Variants in CD109 observed in about 807,000 individuals in gnomAD.
CD109 encodes CD109 antigen.
A neutral mutation model predicts 165.8 loss-of-function variants in CD109; 149 were observed. The observed-to-expected ratio is 0.90, with a 90% CI of 0.79 to 1.03. The LOEUF (loss-of-function observed/expected upper bound fraction) is 1.03, where lower values mean the gene tolerates loss of function less well. Among genes scored for constraint, CD109 ranks in the 50% least tolerant of loss-of-function variants. The pLI, the probability that CD109 is intolerant of heterozygous loss-of-function variation, is 0.00. For synonymous variants in CD109, 585 were observed against 592.1 expected (o/e 0.99, Z 0.18); for missense variants, 1,712 against 1,677.8 (o/e 1.02, Z -0.36).
the CD109 span, among the ~76,000 whole-genome samples, chr6:73,683,472 C>T: frequency 6.6e-6 from 1 of 152,194 alleles, no homozygotes; most frequent in Non-Finnish European, 1.5e-5. Context: ...TTGGTCAAAG[C>T]CATTCAACAA....
chr6:73,800,144 C>A (rs77430915), intron 23 of CD109, among the ~76,000 whole-genome samples: 4,580 of 152,174 alleles, frequency 0.03, 238 homozygotes, highest in African/African-American at 0.1. Context: ...AATAGGTGAA[C>A]CTTGGCGCCT....
chr6:73,789,356 T>C (rs1219566315), intron 22 of CD109, among the ~76,000 whole-genome samples: 1 of 152,220 alleles, frequency 6.6e-6, no homozygotes, highest in Non-Finnish European at 1.5e-5. Context: ...GGCTTATGAA[T>C]GCAATGTGGA....
rs1017448227 is a variant in CD109, at chr6:73,815,146, C to T, written c.3911+23C>T. On this transcript the variant is annotated intron_variant, in intron 30 of 32. Coordinates refer to ENST00000287097, the MANE Select transcript of CD109 (RefSeq NM_133493.5). Reference sequence around the variant, plus strand: ...AAGGTAAGTGTCTGCTTAGGTCTCTCTTCTTTTTTTCCTTTAAAAAATAGA... The same window carrying T: ...AAGGTAAGTGTCTGCTTAGGTCTCTTTTCTTTTTTTCCTTTAAAAAATAGA... The T allele has an allele frequency of 4.6e-6, 7 of 1,537,530 alleles. No individual in the cohort carries two copies. The Admixed American group carries it at 9.7e-5, about 21-fold the overall frequency.
intron 2 of CD109, among the ~76,000 whole-genome samples, chr6:73,719,581 C>T (rs1233819668): frequency 6.6e-6 from 1 of 152,116 alleles, no homozygotes; most frequent in African/African-American, 2.4e-5. Flanking sequence ...TTTTATTATT[C>T]AAGTGATCTG....
At chr6:73,699,352 A>G (rs538649567) in intron 2 of CD109, among the ~76,000 whole-genome samples, 3 of 152,254 alleles carry the variant, frequency 2.0e-5, no homozygotes, top group South Asian at 4.2e-4. Flanking sequence ...TATCCCTGAA[A>G]CTAAAATAAA....
At chr6:73,768,266 T>C (rs770517726) in intron 14 of CD109, 35 bp downstream of exon 14, 102 of 1,271,400 alleles carry the variant, frequency 8.0e-5, no homozygotes, top group African/African-American at 1.0e-4. Flanking sequence ...AAAAGAAAAC[T>C]TTATATTAGT....
chr6:73,690,799 T>C (rs538061729), upstream of CD109, among the ~76,000 whole-genome samples: 2 of 152,228 alleles, frequency 1.3e-5, no homozygotes, highest in Non-Finnish European at 2.9e-5. Flanking sequence ...AAGCACAAAG[T>C]TGTATTATAT....
chr6:73,685,649 C>G, the CD109 span, among the ~76,000 whole-genome samples: 1 of 152,208 alleles, frequency 6.6e-6, no homozygotes, highest in African/African-American at 2.4e-5. Flanking sequence ...TTTTGTCATA[C>G]AAGCAGTGCA....
At chr6:73,798,850 T>C (rs1165558924) in intron 23 of CD109, among the ~76,000 whole-genome samples, 4 of 152,204 alleles carry the variant, frequency 2.6e-5, no homozygotes, top group East Asian at 1.9e-4. Flanking sequence ...CCGTTGTTGA[T>C]GTGATCTGGG....
At chr6:73,705,331 A>T (rs1351483033) in intron 2 of CD109, among the ~76,000 whole-genome samples, 2 of 152,174 alleles carry the variant, frequency 1.3e-5, no homozygotes, top group African/African-American at 4.8e-5. Context: ...GCTTGGAAAG[A>T]GGAAAATAAG....
At chr6:73,730,232 G>T in intron 3 of CD109, 112 bp from the exon 4 acceptor site, 1 of 690,414 alleles carries the variant, frequency 1.4e-6, no homozygotes, top group South Asian at 1.9e-5. Context: ...TTTCAACATC[G>T]CAGTTACTTT....
intron 23 of CD109, among the ~76,000 whole-genome samples, chr6:73,796,730 C>T (rs1185246949): frequency 2.0e-5 from 3 of 152,096 alleles, no homozygotes; most frequent in Admixed American, 6.5e-5. Context: ...ATCTCTGAAG[C>T]GCCCCCACAG....
chr6:73,813,546 A>AG (rs1215177332), intron 29 of CD109, among the ~76,000 whole-genome samples: 4 of 152,138 alleles, frequency 2.6e-5, no homozygotes, highest in African/African-American at 9.7e-5. Flanking sequence ...CTCATGAGGG[A>AG]GGAAAAAAAT....
At chr6:73,692,243 G>A (rs552223381), upstream of CD109, among the ~76,000 whole-genome samples, 1 of 152,050 alleles carries the variant, frequency 6.6e-6, no homozygotes, top group African/African-American at 2.4e-5. Context: ...AGCTCAGGAG[G>A]GACACAGGAA....
chr6:73,744,051 A>T (rs1191840834), intron 5 of CD109, among the ~76,000 whole-genome samples: 1 of 152,218 alleles, frequency 6.6e-6, no homozygotes, highest in Non-Finnish European at 1.5e-5. Context: ...CTGTGGTAAG[A>T]TATATATGTA....
chr6:73,779,995 C>G (rs971900951), intron 15 of CD109, among the ~76,000 whole-genome samples: 6 of 148,212 alleles, frequency 4.0e-5, no homozygotes, highest in Non-Finnish European at 8.9e-5. Flanking sequence ...TATATTTCTA[C>G]TTTTGTAAAT....
Position 73,741,875 on chromosome 6 carries a change from T to G in CD109, c.633+5367T>G, listed in dbSNP as rs561838820. On this transcript the variant is annotated intron_variant, in intron 5 of 32. Coordinates refer to ENST00000287097, the MANE Select transcript of CD109 (RefSeq NM_133493.5). The stretch of plus-strand genomic sequence containing the variant: ...TAGTAGAGATGGGGTTTCACCATGT[T>G]GGTCAGGCTGGGCTCGAACTCCTGA... Among the ~76,000 whole-genome samples, 9 of 152,294 alleles carry G rather than the reference T, an allele frequency of 5.9e-5. No homozygotes were observed. The South Asian group carries it at 1.7e-3, about 28-fold the overall frequency.
In CD109 at chr6:73,768,731, G is replaced by A. The variant is rs986446209; in HGVS notation, c.1674+500G>A. On this transcript the variant is annotated intron_variant, in intron 14 of 32. Coordinates refer to ENST00000287097, the MANE Select transcript of CD109 (RefSeq NM_133493.5). ...GCATGTGAGGATCTGTGTGGAGTCT[G>A]GTCTCCAAGTGCACCAGTGCCTTTT... Among the ~76,000 whole-genome samples, 3 of 152,286 alleles carry A rather than the reference G, an allele frequency of 2.0e-5. No individual in the cohort carries two copies. The East Asian group carries it at 5.8e-4, about 29-fold the overall frequency.
At position 73,730,528 on chromosome 6, in the gene CD109, TCTC is replaced by T. The variant is rs1338057350; in HGVS notation, c.462_464del (p.Phe154_Ser155delinsLeu). ...GTGAAGTTTCGCATTGTTACACTCTTCTCAGATTTTAAGCCTTACAAAACCTCT... is the reference window on the plus strand; with the variant it reads ...GTGAAGTTTCGCATTGTTACACTCTTAGATTTTAAGCCTTACAAAACCTCT... On this transcript the variant is annotated inframe_deletion, in exon 4 of 33. Coordinates refer to ENST00000287097, the MANE Select transcript of CD109 (RefSeq NM_133493.5). The T allele has an allele frequency of 6.2e-7, 1 of 1,614,086 alleles. No individual in the cohort carries two copies.
Sources: gnomAD v4.1 joint callset for allele counts (sites outside exome capture counted in the v4.1 genomes callset) on GRCh38, gnomAD v4.1.1 for gene constraint, MANE v1.5 for transcripts, NCBI Gene and HGNC (gene_info 2026-07-23, HGNC 2026-07-21) for gene names.